The following ARMH4 variants were observed in gnomAD, a reference collection of about 807,000 sequenced individuals.
ARMH4 encodes the protein armadillo-like helical domain-containing protein 4.
Under a neutral mutation model 61.9 loss-of-function variants are expected in ARMH4, and 49 were observed. The observed-to-expected ratio is 0.79, with a 90% CI of 0.63 to 1.00. The LOEUF is 1.00. ARMH4 is among the 50% of genes least tolerant of loss of function. ARMH4 has a pLI of 0.00. For missense variants in ARMH4, 934 were observed against 930.0 expected, an observed-to-expected ratio of 1.00 and a Z score of -0.06; for synonymous variants, 368 against 341.5, an observed-to-expected ratio of 1.08 and a Z score of -0.85.
chr14:58,127,857 C>T (rs1007941573), intron 4 of ARMH4, among the ~76,000 whole-genome samples: 5 of 144,804 alleles, frequency 3.5e-5, no homozygotes, highest in Admixed American at 2.0e-4. Context: ...GGAAGAAGTG[C>T]GGGGGGTGGG....
chr14:58,144,297 C>T (rs969586436), intron 1 of ARMH4, among the ~76,000 whole-genome samples: 12 of 152,122 alleles, frequency 7.9e-5, no homozygotes, highest in African/African-American at 2.7e-4. Context: ...GGTGCAGTGG[C>T]TCATACCTGT....
Position 58,038,475 on chromosome 14 carries a change from C to T in ARMH4, c.2090-26325G>A, listed in dbSNP as rs1455995434. Among the ~76,000 whole-genome samples, 34 of 133,792 alleles carry T rather than the reference C, an allele frequency of 2.5e-4. 1 individual carries two copies. Among genetic ancestry groups the T allele is most frequent in the African/African-American group, 8.9e-4 (32 of 36,034 alleles). 87.8% of individuals were successfully genotyped at this position (133,792 alleles called of 152,430 possible). On this transcript the variant is annotated intron_variant, in intron 5 of 7. Transcript: ENST00000267485. Reference sequence around the variant, plus strand: ...CTAGATGACACGTTAGTGGGTGCAGCGCACCAGCATGGCACATGTATACAT... The same window carrying T: ...CTAGATGACACGTTAGTGGGTGCAGTGCACCAGCATGGCACATGTATACAT...
chr14:58,071,157 T>C (rs1444813919), intron 5 of ARMH4, among the ~76,000 whole-genome samples: 1 of 149,628 alleles, frequency 6.7e-6, no homozygotes, highest in Non-Finnish European at 1.5e-5. Flanking sequence ...ATATACGTTA[T>C]ATATATTATA....
chr14:58,078,435 T>TCTGTTATAGC (rs1432674522), intron 5 of ARMH4, among the ~76,000 whole-genome samples: 1 of 152,134 alleles, frequency 6.6e-6, no homozygotes, highest in Non-Finnish European at 1.5e-5. Flanking sequence ...CACACAAAAG[T>TCTGTTATAGC]CTGTTATAGC....
At chr14:58,070,030 A>G (rs891461480) in intron 5 of ARMH4, among the ~76,000 whole-genome samples, 1 of 152,202 alleles carries the variant, frequency 6.6e-6, no homozygotes, top group Non-Finnish European at 1.5e-5. Flanking sequence ...GCTGAAGGCA[A>G]GGAGGATGGC....
chr14:58,081,111 A>AAAT (rs1465346278), intron 5 of ARMH4, among the ~76,000 whole-genome samples: 1 of 151,720 alleles, frequency 6.6e-6, no homozygotes, highest in Admixed American at 6.6e-5. Context: ...ATAAATAAAT[A>AAAT]AATAAATAAA....
intron 5 of ARMH4, among the ~76,000 whole-genome samples, chr14:58,090,055 A>T (rs931098375): frequency 1.3e-5 from 2 of 152,216 alleles, no homozygotes; most frequent in African/African-American, 2.4e-5. Flanking sequence ...TCCCTAGACC[A>T]TTAATTGAGC....
chr14:58,018,601 T>C (rs1461104753), intron 5 of ARMH4, among the ~76,000 whole-genome samples: 2 of 152,136 alleles, frequency 1.3e-5, no homozygotes, highest in Non-Finnish European at 1.5e-5. Context: ...AGAAAGGCTA[T>C]TATCAAAAAG....
At chr14:58,117,331 C>T (rs898345466) in intron 4 of ARMH4, among the ~76,000 whole-genome samples, 3 of 152,146 alleles carry the variant, frequency 2.0e-5, no homozygotes, top group Non-Finnish European at 4.4e-5. Flanking sequence ...TTGCTTTAAG[C>T]AAACATACAC....
At chr14:58,147,340 A>C (rs1887769045) in intron 1 of ARMH4, among the ~76,000 whole-genome samples, 2 of 146,540 alleles carry the variant, frequency 1.4e-5, no homozygotes, top group Admixed American at 1.4e-4. Context: ...TTTTGATAGG[A>C]AGTCTCACTC....
intron 4 of ARMH4, among the ~76,000 whole-genome samples, chr14:58,110,145 T>C (rs1025935270): frequency 7.9e-5 from 12 of 152,200 alleles, no homozygotes; most frequent in Non-Finnish European, 1.6e-4. Context: ...TATCAATAGC[T>C]TAAGGTGGAA....
At chr14:58,097,885 T>C (rs543045792) in intron 4 of ARMH4, among the ~76,000 whole-genome samples, 2 of 152,058 alleles carry the variant, frequency 1.3e-5, no homozygotes, top group Non-Finnish European at 1.5e-5. Context: ...GCTGTCATTT[T>C]CAATGCTCCA....
chr14:58,024,021 G>C (rs1344848778), intron 5 of ARMH4, among the ~76,000 whole-genome samples: 1 of 152,140 alleles, frequency 6.6e-6, no homozygotes, highest in East Asian at 1.9e-4. Context: ...AGGCAGAGTA[G>C]ATTTAGCATA....
intron 5 of ARMH4, among the ~76,000 whole-genome samples, chr14:58,038,540 T>C (rs8018176): frequency 0.51 from 70,744 of 138,842 alleles, 18,347 homozygotes; most frequent in East Asian, 0.67. Flanking sequence ...TACCCTAAAA[T>C]TTAAAGTATA....
chr14:58,081,254 G>C (rs1229783562), intron 5 of ARMH4, among the ~76,000 whole-genome samples: 1 of 152,056 alleles, frequency 6.6e-6, no homozygotes, highest in Non-Finnish European at 1.5e-5. Flanking sequence ...TGGCAGCCTT[G>C]AACAAACGTA....
chr14:58,047,675 C>T (rs1258782579), intron 5 of ARMH4, among the ~76,000 whole-genome samples: 3 of 152,114 alleles, frequency 2.0e-5, no homozygotes, highest in African/African-American at 7.2e-5. Context: ...GAGGTAGTCA[C>T]AATCCAAAAT....
chr14:58,017,191 G>C (rs1006679724), intron 5 of ARMH4, among the ~76,000 whole-genome samples: 5 of 152,096 alleles, frequency 3.3e-5, no homozygotes, highest in Admixed American at 3.3e-4. Context: ...TGGCACACCT[G>C]TAGTCTCAGC....
In ARMH4 at chr14:58,131,724, G is replaced by A. The variant is rs1459169855; in HGVS notation, c.1622-3C>T. 5.6e-6 allele frequency: 9 copies of A among 1,611,974 alleles called. No homozygotes were observed. In the South Asian group the frequency reaches 8.8e-5, roughly 16 times the overall value. ...CCCTGTGACTGTGTCCATTTGTTCT[G>A]CCAAACACAACAGACAGGACTTGAC... is the stretch of plus-strand genomic sequence containing the variant. On this transcript the variant is annotated splice_polypyrimidine_tract_variant and splice_region_variant and intron_variant, in intron 3 of 7. Coordinates refer to ENST00000267485, the MANE Select transcript of ARMH4 (RefSeq NM_001001872.4).
chr14:58,052,248 C>T (rs1216744087), intron 5 of ARMH4, among the ~76,000 whole-genome samples: 1 of 152,176 alleles, frequency 6.6e-6, no homozygotes, highest in Admixed American at 6.5e-5. Context: ...TTCTCATTTC[C>T]TCCACCACAC....
Sources: gnomAD v4.1 joint callset for allele counts (sites outside exome capture counted in the v4.1 genomes callset) on GRCh38, gnomAD v4.1.1 for gene constraint, MANE v1.5 for transcripts, NCBI Gene and HGNC (gene_info 2026-07-23, HGNC 2026-07-21) for gene names.